The following AMZ1 variants were observed in gnomAD, a reference collection of about 807,000 sequenced individuals.
The protein encoded by AMZ1 is archaelysin family metallopeptidase 1.
A neutral mutation model predicts 29.9 loss-of-function variants in AMZ1; 39 were observed. The ratio of observed to expected loss-of-function variants is 1.30; its 90% CI spans 1.01 to 1.70. The LOEUF (loss-of-function observed/expected upper bound fraction) is 1.70. Among genes scored for constraint, AMZ1 ranks in the 40% most tolerant of loss-of-function variants. AMZ1 has a pLI of 0.00. For missense variants in AMZ1, 1,041 were observed against 680.6 expected, an observed-to-expected ratio of 1.53 and a Z score of -5.89; for synonymous variants, 458 against 304.0, an observed-to-expected ratio of 1.51 and a Z score of -5.27.
In AMZ1 at chr7:2,719,588, G is replaced by A. The variant is rs759921237; in HGVS notation, c.*6710G>A. 7.2e-5 allele frequency among the ~76,000 whole-genome samples: 11 copies of A among 152,266 alleles called. No individual in the cohort carries two copies. Among genetic ancestry groups the A allele is most frequent in the Non-Finnish European group, 1.3e-4 (9 of 68,022 alleles). ...TTTTATACTGCAATGACTGATGGAC[G>A]ACTTTGATATACAAAATAAATTGTT... On this transcript the variant is annotated 3_prime_UTR_variant, in exon 7 of 7. Coordinates refer to ENST00000683327, the MANE Select transcript of AMZ1 (RefSeq NM_001384743.1).
chr7:2,751,558 T>C (rs1791041675), intron 4 of AMZ1, among the ~76,000 whole-genome samples: 2 of 152,072 alleles, frequency 1.3e-5, no homozygotes, highest in African/African-American at 4.8e-5. Context: ...AAAATGAATT[T>C]TGCAATAGAA....
upstream of AMZ1, among the ~76,000 whole-genome samples, chr7:2,761,440 A>G (rs1323647608): frequency 1.3e-5 from 2 of 152,214 alleles, no homozygotes; most frequent in Non-Finnish European, 1.5e-5. Context: ...AGAATTTGAG[A>G]TATTTCAGAA....
chr7:2,735,762 G>A (rs906535364), intron 4 of AMZ1, among the ~76,000 whole-genome samples: 4 of 152,208 alleles, frequency 2.6e-5, no homozygotes, highest in Non-Finnish European at 4.4e-5. Flanking sequence ...TGGCGGAGGA[G>A]AGGAGTCAAA....
At chr7:2,756,541 G>A (rs1791304189) in intron 4 of AMZ1, among the ~76,000 whole-genome samples, 1 of 152,076 alleles carries the variant, frequency 6.6e-6, no homozygotes, top group African/African-American at 2.4e-5. Flanking sequence ...CTTGAGCCCG[G>A]GAGGTCGAGG....
intron 6 of AMZ1, among the ~76,000 whole-genome samples, chr7:2,710,394 C>A (rs10229817): frequency 1.1e-4 from 16 of 152,218 alleles, no homozygotes; most frequent in African/African-American, 3.9e-4. Context: ...AATTTTTCTT[C>A]AAACCCAGCT....
chr7:2,723,297 T>C (rs1019608506), downstream of AMZ1, among the ~76,000 whole-genome samples: 1 of 152,192 alleles, frequency 6.6e-6, no homozygotes, highest in African/African-American at 2.4e-5. Flanking sequence ...TGCAGGGGAA[T>C]GTGGCAACAT....
chr7:2,694,611 T>C (rs1206434775), intron 1 of AMZ1, among the ~76,000 whole-genome samples: 1 of 151,778 alleles, frequency 6.6e-6, no homozygotes, highest in Non-Finnish European at 1.5e-5. Flanking sequence ...AATATACATG[T>C]GAGATTATAT....
chr7:2,764,899 T>C (rs1001469667), exon 1 of AMZ1: 44 of 152,248 alleles, frequency 2.9e-4, no homozygotes, highest in African/African-American at 1.1e-3. Flanking sequence ...GCGTTAGTTA[T>C]CCAAAATGCT....
chr7:2,704,650 G>C (rs1243304107), intron 3 of AMZ1, among the ~76,000 whole-genome samples: 3 of 137,778 alleles, frequency 2.2e-5, no homozygotes, highest in Non-Finnish European at 4.5e-5. Context: ...AGGCTGGAGT[G>C]CAGTGGCATG....
chr7:2,690,526 A>G (rs886742456), intron 1 of AMZ1, among the ~76,000 whole-genome samples: 2 of 152,178 alleles, frequency 1.3e-5, no homozygotes, highest in African/African-American at 4.8e-5. Flanking sequence ...CAGCCGGGCT[A>G]GTCTGGAGCT....
chr7:2,733,509 G>C, intron 4 of AMZ1: 1 of 1,611,862 alleles, frequency 6.2e-7, no homozygotes, highest in Admixed American at 1.7e-5. Flanking sequence ...CCCCTGTCAG[G>C]AAGGAAGAAT....
intron 6 of AMZ1, 76 bp downstream of exon 6, chr7:2,709,892 G>C (rs1015650707): frequency 6.4e-7 from 1 of 1,561,932 alleles, no homozygotes; most frequent in African/African-American, 1.4e-5. Context: ...TGGAGGCTAC[G>C]CAGGGCATGG....
intron 1 of AMZ1, among the ~76,000 whole-genome samples, chr7:2,698,434 A>G (rs187003067): frequency 1.4e-3 from 211 of 152,150 alleles, no homozygotes; most frequent in Admixed American, 2.6e-3. Context: ...GCCACTTGGG[A>G]GGCTGGGGCA....
chr7:2,733,387 T>C (rs1789997939), intron 4 of AMZ1: 11 of 1,309,110 alleles, frequency 8.4e-6, no homozygotes, highest in Non-Finnish European at 1.2e-5. Context: ...GTGGACTGCT[T>C]TGGTCTCTGG....
chr7:2,763,064 G>A (rs1023030535), upstream of AMZ1: 7 of 1,246,756 alleles, frequency 5.6e-6, no homozygotes, highest in African/African-American at 4.6e-5. Context: ...GACGCAGACC[G>A]GGGCTCCCTA....
chr7:2,752,488 G>T (rs762151198), intron 4 of AMZ1, among the ~76,000 whole-genome samples: 5 of 152,022 alleles, frequency 3.3e-5, no homozygotes, highest in Non-Finnish European at 5.9e-5. Context: ...AAAGACACAG[G>T]GACTGGAAAG....
chr7:2,712,872 GAGTT>G lies in AMZ1; in HGVS notation c.1495_*1del, dbSNP rs1562376714. 16 of 1,518,918 alleles carry G rather than the reference GAGTT, an allele frequency of 1.1e-5. No homozygotes were observed. The highest frequency in any genetic ancestry group is 5.3e-5 in the South Asian group (4 of 75,922). 94.1% of individuals were successfully genotyped at this position (1,518,918 alleles called of 1,614,324 possible). On this transcript the variant is annotated frameshift_variant and stop_lost, in exon 7 of 7. Transcript: ENST00000683327. LOFTEE classifies it high-confidence loss of function. Reference sequence around the variant, plus strand: ...CCCCCCGTCCCTGGGATGGGGAAGAGAGTTAGTACAGCAGGGGCTGCCCTACGTC... The same window carrying G: ...CCCCCCGTCCCTGGGATGGGGAAGAGAGTACAGCAGGGGCTGCCCTACGTC...
chr7:2,745,648 G>A (rs1468550801), intron 4 of AMZ1, among the ~76,000 whole-genome samples: 1 of 152,204 alleles, frequency 6.6e-6, no homozygotes, highest in Admixed American at 6.5e-5. Flanking sequence ...CATAATGACA[G>A]GATCAAATTC....
chr7:2,703,994 T>C (rs981340352), intron 3 of AMZ1, among the ~76,000 whole-genome samples: 2 of 152,170 alleles, frequency 1.3e-5, no homozygotes, highest in Non-Finnish European at 2.9e-5. Context: ...GTTCACACCA[T>C]TCTCCTGCCT....
Sources: gnomAD v4.1 joint callset for allele counts (sites outside exome capture counted in the v4.1 genomes callset) on GRCh38, gnomAD v4.1.1 for gene constraint, MANE v1.5 for transcripts, NCBI Gene and HGNC (gene_info 2026-07-23, HGNC 2026-07-21) for gene names.